ZCCHC7: variants seen among roughly 807,000 people sequenced by gnomAD.
ZCCHC7 encodes the protein zinc finger CCHC domain-containing protein 7.
In ZCCHC7, 35 loss-of-function variants were observed where a neutral mutation model predicts 52.0. That is an observed-to-expected ratio of 0.67 (90% CI 0.51 to 0.89). ZCCHC7 has a LOEUF of 0.89. Ranked by LOEUF, ZCCHC7 falls within the 40% of genes least tolerant of loss-of-function variation. ZCCHC7 has a pLI of 0.00. For missense variants in ZCCHC7, 574 were observed against 649.1 expected, an observed-to-expected ratio of 0.88 and a Z score of 1.26; for synonymous variants, 217 against 221.5, an observed-to-expected ratio of 0.98 and a Z score of 0.18.
chr9:37,279,723 A>G (rs1236819090), intron 2 of ZCCHC7, among the ~76,000 whole-genome samples: 1 of 151,266 alleles, frequency 6.6e-6, no homozygotes, highest in Non-Finnish European at 1.5e-5. Flanking sequence ...TATATATTAG[A>G]AAAACATAAT....
At chr9:37,198,501 T>TTG (rs879345276) in intron 2 of ZCCHC7, among the ~76,000 whole-genome samples, 1 of 152,226 alleles carries the variant, frequency 6.6e-6, no homozygotes, top group Non-Finnish European at 1.5e-5. Context: ...TGAGCCTACT[T>TTG]TGTGGTCACT....
chr9:37,266,718 A>G (rs1827121830), intron 2 of ZCCHC7, among the ~76,000 whole-genome samples: 1 of 152,142 alleles, frequency 6.6e-6, no homozygotes, highest in African/African-American at 2.4e-5. Flanking sequence ...TACAAAAAAC[A>G]GAAAAATTAA....
chr9:37,138,959 A>G (rs991665080), intron 2 of ZCCHC7, among the ~76,000 whole-genome samples: 1 of 152,022 alleles, frequency 6.6e-6, no homozygotes, highest in Non-Finnish European at 1.5e-5. Context: ...ATTAGACAGT[A>G]AAACTTTTTT....
At chr9:37,127,987 G>A (rs938774571) in intron 2 of ZCCHC7, among the ~76,000 whole-genome samples, 9 of 152,282 alleles carry the variant, frequency 5.9e-5, no homozygotes, top group East Asian at 3.9e-4. Flanking sequence ...ACAGGTGGCC[G>A]GCTCAGGCTG....
chr9:37,178,830 G>C (rs989429919), intron 2 of ZCCHC7, among the ~76,000 whole-genome samples: 6 of 152,150 alleles, frequency 3.9e-5, no homozygotes, highest in Non-Finnish European at 8.8e-5. Flanking sequence ...GCTAACTCTA[G>C]GTGACTAAAA....
In ZCCHC7 at chr9:37,307,608, T is replaced by G. The variant is rs144580462; in HGVS notation, c.951+1894T>G. 4.1e-3 allele frequency among the ~76,000 whole-genome samples: 624 copies of G among 152,280 alleles called. 15 individuals carry two copies. Among genetic ancestry groups the G allele is most frequent in the Admixed American group, 0.036 (545 of 15,300 alleles). Reference sequence around the variant, plus strand: ...AGCAGAAATATTTTTCTAATTTTATTTATATTGAAATACACCTATAGTCTT... The same window carrying G: ...AGCAGAAATATTTTTCTAATTTTATGTATATTGAAATACACCTATAGTCTT... On this transcript the variant is annotated intron_variant, in intron 5 of 8. Transcript: ENST00000336755.
chr9:37,134,746 A>T (rs1439565719), intron 2 of ZCCHC7, among the ~76,000 whole-genome samples: 1 of 151,944 alleles, frequency 6.6e-6, no homozygotes, highest in Non-Finnish European at 1.5e-5. Flanking sequence ...ATTTTTTGAG[A>T]CGGAATTTCG....
At chr9:37,268,353 A>G (rs538318902) in intron 2 of ZCCHC7, among the ~76,000 whole-genome samples, 1 of 152,084 alleles carries the variant, frequency 6.6e-6, no homozygotes, top group Non-Finnish European at 1.5e-5. Context: ...GCAAAGAAAC[A>G]AAGTAGTAAA....
chr9:37,135,933 A>G (rs1238650206), intron 2 of ZCCHC7, among the ~76,000 whole-genome samples: 1 of 152,230 alleles, frequency 6.6e-6, no homozygotes, highest in African/African-American at 2.4e-5. Flanking sequence ...TAGGCACTCA[A>G]CCAAGACTGG....
At chr9:37,267,736 AT>A (rs549019531) in intron 2 of ZCCHC7, among the ~76,000 whole-genome samples, 1 of 151,320 alleles carries the variant, frequency 6.6e-6, no homozygotes, top group Admixed American at 6.6e-5. Context: ...CGCCTGGCTA[AT>A]TTTTTGTATT....
intron 2 of ZCCHC7, among the ~76,000 whole-genome samples, chr9:37,272,148 T>C (rs1827448126): frequency 6.6e-6 from 1 of 152,206 alleles, no homozygotes; most frequent in Non-Finnish European, 1.5e-5. Flanking sequence ...ACTATACCTT[T>C]TTGTATCAGA....
intron 8 of ZCCHC7, among the ~76,000 whole-genome samples, chr9:37,355,168 AT>A (rs1487998035): frequency 6.6e-6 from 1 of 151,808 alleles, no homozygotes; most frequent in Non-Finnish European, 1.5e-5. Flanking sequence ...TTTCTCCAGT[AT>A]TTTTTTATGG....
intron 2 of ZCCHC7, among the ~76,000 whole-genome samples, chr9:37,251,308 T>C (rs1292796035): frequency 6.6e-6 from 1 of 152,248 alleles, no homozygotes; most frequent in Non-Finnish European, 1.5e-5. Flanking sequence ...AATGTCATGG[T>C]CTTATGTCAA....
At chr9:37,305,519 A>C in intron 4 of ZCCHC7, 25 bp from the exon 5 acceptor site, 3 of 1,611,584 alleles carry the variant, frequency 1.9e-6, no homozygotes, top group Non-Finnish European at 2.5e-6. Flanking sequence ...GACTGAAGAG[A>C]TTTTATGTTT....
intron 2 of ZCCHC7, among the ~76,000 whole-genome samples, chr9:37,293,616 G>A (rs900774592): frequency 6.6e-6 from 1 of 152,058 alleles, no homozygotes; most frequent in Admixed American, 6.5e-5. Flanking sequence ...ATATTTAAAG[G>A]AAGAAAAAAC....
At chr9:37,127,255 G>A (rs1301557279) in intron 2 of ZCCHC7, among the ~76,000 whole-genome samples, 1 of 152,042 alleles carries the variant, frequency 6.6e-6, no homozygotes, top group Non-Finnish European at 1.5e-5. Flanking sequence ...TCTCTGCTTG[G>A]TACCACAGGT....
At chr9:37,197,283 G>C (rs577442115) in intron 2 of ZCCHC7, among the ~76,000 whole-genome samples, 16 of 152,190 alleles carry the variant, frequency 1.1e-4, no homozygotes, top group African/African-American at 3.9e-4. Context: ...TTCATGTCCT[G>C]GAAGCAGCTC....
chr9:37,217,068 C>T (rs1160508700), intron 2 of ZCCHC7, among the ~76,000 whole-genome samples: 1 of 152,160 alleles, frequency 6.6e-6, no homozygotes, highest in Middle Eastern at 3.4e-3. Context: ...TTATTTGCTA[C>T]AGGTGTATCT....
At position 37,289,222 on chromosome 9, in the gene ZCCHC7, T is replaced by C. The variant is rs2133616636; in HGVS notation, c.611-12966T>C. Among the ~76,000 whole-genome samples the C allele has an allele frequency of 2.0e-5, 3 of 151,384 alleles. No individual in the cohort carries two copies. In the South Asian group the frequency reaches 6.3e-4, roughly 32 times the overall value. On this transcript the variant is annotated intron_variant, in intron 2 of 8. Coordinates refer to ENST00000336755, the MANE Select transcript of ZCCHC7 (RefSeq NM_032226.3). ...TGGAGTGCAGTGGTGTGGTCTCGGGTCACTGCAACCTCTGCCTCCCGGGTT... is the reference window on the plus strand; with the variant it reads ...TGGAGTGCAGTGGTGTGGTCTCGGGCCACTGCAACCTCTGCCTCCCGGGTT...
Sources: allele counts gnomAD v4.1 joint callset (sites outside exome capture counted in the v4.1 genomes callset), GRCh38; gene constraint gnomAD v4.1.1; transcripts MANE v1.5; gene names NCBI Gene and HGNC (gene_info 2026-07-23, HGNC 2026-07-21).